The following RSBN1L variants were observed in gnomAD, a reference collection of about 807,000 sequenced individuals.
RSBN1L encodes round spermatid basic protein 1 like.
RSBN1L carries 30 observed loss-of-function variants against 67.7 expected under a neutral mutation model. The observed-to-expected ratio is 0.44, with a 90% CI of 0.33 to 0.60. The LOEUF (loss-of-function observed/expected upper bound fraction) is 0.60, where lower values mean the gene tolerates loss of function less well. Ranked by LOEUF, RSBN1L falls within the 20% of genes least tolerant of loss-of-function variation. RSBN1L has a pLI of 0.02. For missense variants in RSBN1L, 992 were observed against 1,031.7 expected (o/e 0.96, Z 0.53); for synonymous variants, 433 against 387.0 (o/e 1.12, Z -1.39).
At chr7:77,709,178 GTGTGTGTGTGTGTGTGTGTA>G (rs1351814581) in intron 1 of RSBN1L, among the ~76,000 whole-genome samples, 4 of 130,950 alleles carry the variant, frequency 3.1e-5, no homozygotes, top group African/African-American at 1.3e-4. Flanking sequence ...GTGTGTGTGT[GTGTGTGTGTGTGTGTGTGTA>G]TGTATGTGTA....
Position 77,740,777 on chromosome 7 carries a change from G to A in RSBN1L, c.703+4251G>A, listed in dbSNP as rs74957563. 1.9e-3 allele frequency among the ~76,000 whole-genome samples: 285 copies of A among 151,726 alleles called. 1 individual carries two copies. The East Asian group carries it at 0.034, about 18-fold the overall frequency. ...ACATGCTGTCTTTGTTTCTGTGTGCGCTTCTTTCTGCCTCTGTGAGTGTCT... is the reference window on the plus strand; with the variant it reads ...ACATGCTGTCTTTGTTTCTGTGTGCACTTCTTTCTGCCTCTGTGAGTGTCT... On this transcript the variant is annotated intron_variant, in intron 2 of 7. Coordinates refer to ENST00000334955, the MANE Select transcript of RSBN1L (RefSeq NM_198467.3).
In RSBN1L at chr7:77,743,208, C is replaced by T. The variant is rs190877430; in HGVS notation, c.704-6216C>T. 1.1e-3 allele frequency among the ~76,000 whole-genome samples: 161 copies of T among 152,200 alleles called. 1 individual carries two copies. Among genetic ancestry groups the T allele is most frequent in the African/African-American group, 3.7e-3 (152 of 41,518 alleles). On this transcript the variant is annotated intron_variant, in intron 2 of 7. Transcript: ENST00000334955. ...AGCTGGGAATACAGGTATTTGCCAC[C>T]ACACTCAGCTAATTTTTGTATTTTT...
intron 3 of RSBN1L, 128 bp from the exon 4 acceptor site, chr7:77,765,364 ATAT>A: frequency 1.4e-6 from 1 of 706,036 alleles, no homozygotes; most frequent in South Asian, 3.8e-5. Flanking sequence ...TTATGATATA[ATAT>A]TCTGAGATAA....
chr7:77,712,935 C>T (rs1243418245), intron 1 of RSBN1L, among the ~76,000 whole-genome samples: 1 of 152,226 alleles, frequency 6.6e-6, no homozygotes, highest in South Asian at 2.1e-4. Flanking sequence ...ATAATGCTTT[C>T]GTGAAAGATA....
In RSBN1L at chr7:77,778,983, G is replaced by A. The variant is rs1352910791; in HGVS notation, c.2356G>A (p.Val786Ile). 6.2e-7 allele frequency: 1 copy of A among 1,614,020 alleles called. No homozygotes were observed. Among genetic ancestry groups the A allele is most frequent in the African/African-American group, 1.3e-5 (1 of 75,034 alleles). ...ACTGAATAATATGGATGGCAAGAATGTTAAAGCAAAATTGGATCATGTTCA... is the reference window on the plus strand; with the variant it reads ...ACTGAATAATATGGATGGCAAGAATATTAAAGCAAAATTGGATCATGTTCA... ...TALNNMDGKN[V>I]KAKLDHVQFA... Residue 786 changes from valine to isoleucine, a missense_variant, in exon 8 of 8, where the codon GTT becomes ATT. Physicochemically the swap from Val to Ile is conservative, Grantham distance 29. Transcript: ENST00000334955.
chr7:77,723,748 G>T (rs1377996468), intron 1 of RSBN1L, among the ~76,000 whole-genome samples: 1 of 152,080 alleles, frequency 6.6e-6, no homozygotes, highest in African/African-American at 2.4e-5. Flanking sequence ...AGCCTGGCCA[G>T]CATGGTGAAA....
intron 1 of RSBN1L, among the ~76,000 whole-genome samples, chr7:77,706,647 C>A (rs962622609): frequency 1.3e-5 from 2 of 152,148 alleles, no homozygotes; most frequent in African/African-American, 4.8e-5. Context: ...CCTCCTATGT[C>A]TAGTTTAAAA....
Position 77,782,091 on chromosome 7 carries a change from G to C in RSBN1L, c.*2923G>C, listed in dbSNP as rs1249167869. On this transcript the variant is annotated 3_prime_UTR_variant, in exon 8 of 8. Coordinates refer to ENST00000334955, the MANE Select transcript of RSBN1L (RefSeq NM_198467.3). ...ATAATGCTTACGTTCCTTGTCTTATGGGTTATAATTTTCACATCCTCTTCA... is the reference window on the plus strand; with the variant it reads ...ATAATGCTTACGTTCCTTGTCTTATCGGTTATAATTTTCACATCCTCTTCA... 6.6e-6 allele frequency: 1 copy of C among 151,742 alleles called. No individual in the cohort carries two copies. The highest frequency in any genetic ancestry group is 1.5e-5 in the Non-Finnish European group (1 of 67,976). The allele number at this position is 151,742 out of a possible 1,614,324, so 9.4% of individuals were successfully genotyped here. A position where few individuals can be genotyped will look rare whatever the true frequency, so the allele number is the denominator to read the frequency against.
At chr7:77,708,521 A>G (rs1308558736) in intron 1 of RSBN1L, among the ~76,000 whole-genome samples, 1 of 151,652 alleles carries the variant, frequency 6.6e-6, no homozygotes. Context: ...AGCTGGGACT[A>G]CAGGCGTCCG....
chr7:77,738,379 A>C (rs2150421554), intron 2 of RSBN1L, among the ~76,000 whole-genome samples: 1 of 152,346 alleles, frequency 6.6e-6, no homozygotes, highest in African/African-American at 2.4e-5. Context: ...AGTTAAACTG[A>C]AACTAGTGAT....
At chr7:77,699,240 G>C (rs2150410390) in intron 1 of RSBN1L, among the ~76,000 whole-genome samples, 1 of 152,244 alleles carries the variant, frequency 6.6e-6, no homozygotes, top group East Asian at 1.9e-4. Flanking sequence ...TGAACAGTCT[G>C]AGTCAGAACC....
chr7:77,739,109 T>G (rs994328922), intron 2 of RSBN1L, among the ~76,000 whole-genome samples: 1 of 152,194 alleles, frequency 6.6e-6, no homozygotes, highest in Non-Finnish European at 1.5e-5. Context: ...AAGAATTTGC[T>G]TAGTATGTGG....
At chr7:77,716,353 A>C (rs576593826) in intron 1 of RSBN1L, among the ~76,000 whole-genome samples, 1 of 150,084 alleles carries the variant, frequency 6.7e-6, no homozygotes, top group African/African-American at 2.4e-5. Flanking sequence ...ACCGTCTCTC[A>C]CTTTTGTCAC....
At chr7:77,708,473 C>T (rs1414608955) in intron 1 of RSBN1L, among the ~76,000 whole-genome samples, 3 of 151,898 alleles carry the variant, frequency 2.0e-5, no homozygotes, top group East Asian at 1.9e-4. Flanking sequence ...GCTCCGCCTC[C>T]TGGGTTCATG....
At chr7:77,750,154 A>G (rs1791535902) in intron 3 of RSBN1L, 90 bp downstream of exon 3, 1 of 733,352 alleles carries the variant, frequency 1.4e-6, no homozygotes, top group African/African-American at 1.8e-5. Context: ...GGGCTGAAAT[A>G]AAAAGGTAAG....
chr7:77,719,261 T>C (rs1440769743), intron 1 of RSBN1L, among the ~76,000 whole-genome samples: 3 of 152,208 alleles, frequency 2.0e-5, no homozygotes, highest in African/African-American at 7.2e-5. Flanking sequence ...TAGCTAAATA[T>C]ACAACTTTTA....
At chr7:77,699,082 A>G (rs1474472699) in intron 1 of RSBN1L, among the ~76,000 whole-genome samples, 2 of 152,250 alleles carry the variant, frequency 1.3e-5, no homozygotes, top group African/African-American at 4.8e-5. Flanking sequence ...CCTGATTTGC[A>G]ATACAATGAT....
intron 1 of RSBN1L, among the ~76,000 whole-genome samples, chr7:77,704,703 C>T (rs922784359): frequency 4.6e-5 from 7 of 151,840 alleles, no homozygotes; most frequent in African/African-American, 1.2e-4. Context: ...TGTGGCCAGG[C>T]GTGGTGGCTC....
intron 3 of RSBN1L, among the ~76,000 whole-genome samples, chr7:77,753,439 T>G (rs1373409372): frequency 1.3e-5 from 2 of 152,228 alleles, no homozygotes; most frequent in Non-Finnish European, 2.9e-5. Context: ...GTAAAGTACC[T>G]GTCCACTCTG....
Sources: gnomAD v4.1 joint callset for allele counts (sites outside exome capture counted in the v4.1 genomes callset) on GRCh38, gnomAD v4.1.1 for gene constraint, MANE v1.5 for transcripts, NCBI Gene and HGNC (gene_info 2026-07-23, HGNC 2026-07-21) for gene names.